The following INPP4B variants were observed in gnomAD, a reference collection of about 807,000 sequenced individuals.
INPP4B encodes inositol polyphosphate-4-phosphatase type II B.
A neutral mutation model predicts 122.5 loss-of-function variants in INPP4B; 55 were observed. That is an observed-to-expected ratio of 0.45 (90% confidence interval 0.36 to 0.56). INPP4B has a LOEUF of 0.56. INPP4B is among the 20% of genes least tolerant of loss of function. INPP4B has a pLI of 0.00. For missense variants in INPP4B, 1,000 were observed against 1,097.7 expected (o/e 0.91, Z 1.26); for synonymous variants, 403 against 388.7 (o/e 1.04, Z -0.43).
intron 7 of INPP4B, among the ~76,000 whole-genome samples, chr4:142,401,743 C>T (rs1022090790): frequency 2.0e-5 from 3 of 152,146 alleles, no homozygotes; most frequent in African/African-American, 7.2e-5. Flanking sequence ...AATTTCCTCT[C>T]CCAAAGCCAG....
At chr4:142,519,795 T>C (rs1451097327) in intron 2 of INPP4B, among the ~76,000 whole-genome samples, 1 of 152,100 alleles carries the variant, frequency 6.6e-6, no homozygotes, top group African/African-American at 2.4e-5. Flanking sequence ...TGTTAAAATA[T>C]GATAAAATTT....
intron 25 of INPP4B, among the ~76,000 whole-genome samples, chr4:142,047,570 T>C (rs1054609623): frequency 6.6e-6 from 1 of 152,006 alleles, no homozygotes; most frequent in Admixed American, 6.6e-5. Context: ...TAGTACTCCA[T>C]GGGGTGTAGA....
At chr4:142,478,501 T>C (rs1820091798) in intron 2 of INPP4B, among the ~76,000 whole-genome samples, 1 of 152,220 alleles carries the variant, frequency 6.6e-6, no homozygotes, top group African/African-American at 2.4e-5. Context: ...TGTAAATGGA[T>C]GCTGAATTTT....
At chr4:142,838,323 T>C (rs1299756203) in intron 1 of INPP4B, among the ~76,000 whole-genome samples, 1 of 151,624 alleles carries the variant, frequency 6.6e-6, no homozygotes, top group Non-Finnish European at 1.5e-5. Context: ...TTTTTTTCAA[T>C]GGAGACTTCG....
intron 16 of INPP4B, among the ~76,000 whole-genome samples, chr4:142,171,445 G>A (rs183605379): frequency 3.0e-4 from 45 of 151,912 alleles, no homozygotes; most frequent in African/African-American, 1.1e-3. Flanking sequence ...ATAATCCATA[G>A]TATACAACAA....
chr4:142,215,919 A>T, intron 12 of INPP4B, among the ~76,000 whole-genome samples: 1 of 114,570 alleles, frequency 8.7e-6, no homozygotes, highest in Non-Finnish European at 2.0e-5. Flanking sequence ...AAAAAAAAAA[A>T]AAAAAAAAAA....
chr4:142,725,192 T>C (rs1453451136), intron 2 of INPP4B, among the ~76,000 whole-genome samples: 1 of 152,144 alleles, frequency 6.6e-6, no homozygotes, highest in Non-Finnish European at 1.5e-5. Context: ...TTGCATGAGT[T>C]TTCATATTCT....
At chr4:142,752,164 A>C (rs1406277732) in intron 1 of INPP4B, among the ~76,000 whole-genome samples, 1 of 152,062 alleles carries the variant, frequency 6.6e-6, no homozygotes, top group Non-Finnish European at 1.5e-5. Context: ...GTAGAATGGA[A>C]GCTAGCCACA....
chr4:142,535,219 T>C (rs895954606), intron 2 of INPP4B, among the ~76,000 whole-genome samples: 3 of 152,220 alleles, frequency 2.0e-5, no homozygotes, highest in African/African-American at 7.2e-5. Context: ...ATGTTGTCCC[T>C]TGAGTTAAGT....
intron 9 of INPP4B, among the ~76,000 whole-genome samples, chr4:142,302,276 C>T (rs987956698): frequency 1.1e-4 from 16 of 152,194 alleles, no homozygotes; most frequent in East Asian, 9.7e-4. Flanking sequence ...AGCCTCGGCA[C>T]GGTGGTGAAG....
chr4:142,163,770 G>T (rs1441419290), intron 16 of INPP4B, among the ~76,000 whole-genome samples: 1 of 151,734 alleles, frequency 6.6e-6, no homozygotes, highest in Non-Finnish European at 1.5e-5. Flanking sequence ...GGGAACTATT[G>T]TATTGCTGTT....
chr4:142,720,746 A>ATACATATATATATGAATATATATATATC lies in INPP4B; in HGVS notation c.-191+5092_-191+5093insGATATATATATATTCATATATATATGTA, dbSNP rs1764454899. ...TATATATATACATATATATATATAT[A>ATACATATATATATGAATATATATATATC]TACATATATATATAATCTCTCTCTC... On this transcript the variant is annotated intron_variant, in intron 2 of 25. Coordinates refer to ENST00000262992, the MANE Select transcript of INPP4B (RefSeq NM_001101669.3). 2.0e-5 allele frequency among the ~76,000 whole-genome samples: 2 copies of ATACATATATATATGAATATATATATATC among 99,484 alleles called. 1 individual carries two copies. Among genetic ancestry groups the ATACATATATATATGAATATATATATATC allele is most frequent in the East Asian group, 6.3e-4 (2 of 3,168 alleles). 65.3% of individuals were successfully genotyped at this position (99,484 alleles called of 152,430 possible).
At chr4:142,622,473 T>C (rs1328542328) in intron 2 of INPP4B, among the ~76,000 whole-genome samples, 1 of 151,940 alleles carries the variant, frequency 6.6e-6, no homozygotes, top group Non-Finnish European at 1.5e-5. Context: ...AGTTGGGGTA[T>C]ACAATGAAGA....
intron 7 of INPP4B, among the ~76,000 whole-genome samples, chr4:142,323,687 T>C (rs2627819): frequency 0.28 from 42,938 of 151,698 alleles, 7,490 homozygotes; most frequent in South Asian, 0.46. Context: ...CCTTGTGATC[T>C]GCCCGCCTTG....
intron 7 of INPP4B, among the ~76,000 whole-genome samples, chr4:142,329,032 C>G (rs1354961559): frequency 6.6e-6 from 1 of 152,176 alleles, no homozygotes; most frequent in Non-Finnish European, 1.5e-5. Context: ...TCCCTCCATG[C>G]CTTTGCATGC....
chr4:142,788,083 T>G (rs1775999293), intron 1 of INPP4B, among the ~76,000 whole-genome samples: 2 of 152,188 alleles, frequency 1.3e-5, no homozygotes, highest in Non-Finnish European at 2.9e-5. Context: ...TTATCCTGTT[T>G]ACAGTGTCTC....
chr4:142,036,018 G>A (rs1331874069), intron 25 of INPP4B, among the ~76,000 whole-genome samples: 1 of 152,042 alleles, frequency 6.6e-6, no homozygotes, highest in African/African-American at 2.4e-5. Context: ...AGTGAGCTTA[G>A]TACCCAAAAG....
chr4:142,587,644 T>A (rs541430433), intron 2 of INPP4B, among the ~76,000 whole-genome samples: 1 of 152,234 alleles, frequency 6.6e-6, no homozygotes, highest in East Asian at 1.9e-4. Flanking sequence ...GTAAATTGGA[T>A]GTCCATCACC....
chr4:142,136,972 C>A (rs1434982226), intron 18 of INPP4B, among the ~76,000 whole-genome samples: 1 of 152,064 alleles, frequency 6.6e-6, no homozygotes, highest in Non-Finnish European at 1.5e-5. Flanking sequence ...AGGTAATTTA[C>A]AGATTCAATG....
Sources: allele counts gnomAD v4.1 joint callset (sites outside exome capture counted in the v4.1 genomes callset), GRCh38; gene constraint gnomAD v4.1.1; transcripts MANE v1.5; gene names NCBI Gene and HGNC (gene_info 2026-07-23, HGNC 2026-07-21).